The following KIR3DL1 variants were observed in gnomAD, a reference collection of about 807,000 sequenced individuals.
KIR3DL1 encodes the protein killer cell immunoglobulin like receptor, three Ig domains and long cytoplasmic tail 1.
A neutral mutation model predicts 40.3 loss-of-function variants in KIR3DL1; 50 were observed. That is an observed-to-expected ratio of 1.24 (90% confidence interval 0.99 to 1.57). The LOEUF is 1.57. Among genes scored for constraint, KIR3DL1 ranks in the 40% most tolerant of loss-of-function variants. The pLI, the probability that KIR3DL1 is intolerant of heterozygous loss-of-function variation, is 0.00. For missense variants in KIR3DL1, 661 were observed against 559.9 expected (o/e 1.18, Z -1.82); for synonymous variants, 257 against 207.2 (o/e 1.24, Z -2.07).
intron 6 of KIR3DL1, among the ~76,000 whole-genome samples, chr19:54,828,310 T>A (rs2062015764): frequency 6.6e-6 from 1 of 151,340 alleles, no homozygotes; most frequent in African/African-American, 2.5e-5. Context: ...TAAAGCACAT[T>A]CGCTGTGTAT....
rs561413972 is a variant in KIR3DL1 at position 54,821,138 on chromosome 19, TAGAC to T, written c.656-417_656-414del. 1.2e-3 allele frequency among the ~76,000 whole-genome samples: 186 copies of T among 150,232 alleles called. 7 individuals are homozygous for T. The highest frequency in any genetic ancestry group is 3.3e-3 in the East Asian group (17 of 5,136). Reference sequence around the variant, plus strand: ...AGATAATAGATGATTGATGGATAGATAGACAGACAGACAATTGATAGAGAGATAG... The same window carrying T: ...AGATAATAGATGATTGATGGATAGATAGACAGACAATTGATAGAGAGATAG... On this transcript the variant is annotated intron_variant, in intron 4 of 8. Coordinates refer to ENST00000391728, the Ensembl canonical transcript of KIR3DL1.
exon 4 of KIR3DL1, chr19:54,819,839 C>A: frequency 6.2e-7 from 1 of 1,611,972 alleles, no homozygotes; most frequent in East Asian, 2.2e-5. Flanking sequence ...GAGGGGATCT[C>A]TAAGGACCCC....
rs1331649148 is a variant in KIR3DL1 at position 54,820,483 on chromosome 19, G to T, written c.655+471G>T. 7.9e-5 allele frequency among the ~76,000 whole-genome samples: 12 copies of T among 151,470 alleles called. 1 individual carries two copies. The highest frequency in any genetic ancestry group is 2.9e-4 in the African/African-American group (12 of 41,012). On this transcript the variant is annotated intron_variant, in intron 4 of 8. Transcript: ENST00000391728. ...TTATTCTGACACCTCTGCCTTCCAT[G>T]CAATGGAGAGTAATCATCCCAGGAT...
intron 8 of KIR3DL1, 45 bp downstream of exon 8, chr19:54,830,025 A>G: frequency 6.6e-7 from 1 of 1,522,998 alleles, no homozygotes. Context: ...TTATTCCCAA[A>G]CAGTCCTGGA....
rs544227512 is a variant in KIR3DL1, at chr19:54,816,479, G to A, written c.-22G>A. The A allele has an allele frequency of 1.2e-5, 19 of 1,604,178 alleles. 1 individual carries two copies. The highest frequency in any genetic ancestry group is 1.7e-4 in the Middle Eastern group (1 of 5,994). On this transcript the variant is annotated 5_prime_UTR_variant, in exon 1 of 9. Coordinates refer to ENST00000391728, the Ensembl canonical transcript of KIR3DL1. Reference sequence around the variant, plus strand: ...TGCTGAGCTGAGCTGGGGCGCAGCCGCCTGTCTGCACCGGCAGCACCATGT... The same window carrying A: ...TGCTGAGCTGAGCTGGGGCGCAGCCACCTGTCTGCACCGGCAGCACCATGT...
At chr19:54,821,988 G>GGGCGCAGGAT (rs1461465671) in intron 5 of KIR3DL1, 130 bp downstream of exon 5, 1 of 1,171,724 alleles carries the variant, frequency 8.5e-7, no homozygotes, top group Non-Finnish European at 1.2e-6. Flanking sequence ...GGCGGAGTCA[G>GGGCGCAGGAT]GGCGCAGGAT....
At position 54,826,469 on chromosome 19, in the gene KIR3DL1, C is replaced by T. The variant is rs1338588528; in HGVS notation, c.1000+1391C>T. Among the ~76,000 whole-genome samples, 2 of 142,602 alleles carry T rather than the reference C, an allele frequency of 1.4e-5. 1 individual carries two copies. The highest frequency in any genetic ancestry group is 5.5e-5 in the African/African-American group (2 of 36,496). 93.6% of individuals were successfully genotyped at this position (142,602 alleles called of 152,430 possible). ...AGCTGGGATTACAGGCAACTGCCAC[C>T]ATGCCCGGCTAATTCTTTTTGTATA... On this transcript the variant is annotated intron_variant, in intron 6 of 8. Transcript: ENST00000391728.
chr19:54,826,681 C>G (rs1188351408), intron 6 of KIR3DL1, among the ~76,000 whole-genome samples: 6 of 149,960 alleles, frequency 4.0e-5, no homozygotes, highest in Admixed American at 3.3e-4. Flanking sequence ...GAGAAGGTCT[C>G]ACTAATCAGA....
chr19:54,824,903 T>C (rs370375186), intron 5 of KIR3DL1, 125 bp from the exon 6 acceptor site: 13,058 of 984,856 alleles, frequency 0.013, 254 homozygotes, highest in Middle Eastern at 0.065. Context: ...GAGAAGAGGA[T>C]CCCAAGACTC....
In KIR3DL1 at chr19:54,825,475, T is replaced by A. The variant is rs1418125954; in HGVS notation, c.1000+397T>A. Among the ~76,000 whole-genome samples, 129 of 143,340 alleles carry A rather than the reference T, an allele frequency of 9.0e-4. 1 individual carries two copies. Among genetic ancestry groups the A allele is most frequent in the African/African-American group, 2.8e-3 (103 of 36,918 alleles). The allele number at this position is 143,340 out of a possible 152,430, so 94.0% of individuals were successfully genotyped here. A position where few individuals can be genotyped will look rare whatever the true frequency, so the allele number is the denominator to read the frequency against. On this transcript the variant is annotated intron_variant, in intron 6 of 8. Transcript: ENST00000391728. ...CACTTGCCAAGGAATGAATTACTGT[T>A]GGTCATGAAGCAACCCTGGCTGACT... is the stretch of plus-strand genomic sequence containing the variant.
In KIR3DL1 at chr19:54,823,187, A is replaced by G; in HGVS notation, c.949+1329A>G. Among the ~76,000 whole-genome samples the G allele has an allele frequency of 1.3e-5, 2 of 150,916 alleles. 1 individual carries two copies. The highest frequency in any genetic ancestry group is 2.9e-5 in the Non-Finnish European group (2 of 67,920). ...GTAGCTGTGATTACAGGTGCACGCCACCATGCCTGGCTAATTTTTGTATTT... is the reference window on the plus strand; with the variant it reads ...GTAGCTGTGATTACAGGTGCACGCCGCCATGCCTGGCTAATTTTTGTATTT... On this transcript the variant is annotated intron_variant, in intron 5 of 8. Transcript: ENST00000391728.
At chr19:54,820,076 G>A in intron 4 of KIR3DL1, 64 bp downstream of exon 4, 1 of 1,533,520 alleles carries the variant, frequency 6.5e-7, no homozygotes, top group Non-Finnish European at 8.9e-7. Context: ...CCAGGACTTG[G>A]AACCCCCAGG....
At chr19:54,821,605 C>T in exon 5 of KIR3DL1, 9 of 1,608,552 alleles carry the variant, frequency 5.6e-6, no homozygotes, top group Non-Finnish European at 7.6e-6. Flanking sequence ...AGCCGGGCCC[C>T]AAGGTTCAGG....
At chr19:54,821,782 C>T in exon 5 of KIR3DL1, 1 of 1,607,394 alleles carries the variant, frequency 6.2e-7, no homozygotes, top group African/African-American at 1.3e-5. Context: ...GAGGGACCTA[C>T]AGATGCTTCG....
At position 54,828,104 on chromosome 19, in the gene KIR3DL1, A is replaced by C. The variant is rs546189937; in HGVS notation, c.1001-1257A>C. ...GGGGTGGTCCTTCCCCCAGCCTCTG[A>C]GGTAGAACAGCAGCCTAACATGTGT... On this transcript the variant is annotated intron_variant, in intron 6 of 8. Transcript: ENST00000391728. Among the ~76,000 whole-genome samples the C allele has an allele frequency of 2.7e-3, 404 of 148,224 alleles. 29 individuals carry two copies. The highest frequency in any genetic ancestry group is 9.6e-3 in the African/African-American group (376 of 39,324).
rs375012798 is a variant in KIR3DL1, at chr19:54,821,623, G to A, written c.714G>A (p.Glu238=). The A allele has an allele frequency of 3.7e-6, 6 of 1,609,038 alleles. No individual in the cohort carries two copies. The African/African-American group carries it at 5.4e-5, about 14-fold the overall frequency. ...CGGGCCCCAAGGTTCAGGCAGGAGA[G>A]AGCGTGACCTTGTCCTGTAGCTCCC... Residue 238 remains glutamate (E), a synonymous_variant, in exon 5 of 9, where the codon GAG becomes GAA. Coordinates refer to ENST00000391728, the Ensembl canonical transcript of KIR3DL1.
chr19:54,823,590 C>T (rs1410664018), intron 5 of KIR3DL1, among the ~76,000 whole-genome samples: 7 of 151,166 alleles, frequency 4.6e-5, no homozygotes, highest in Non-Finnish European at 8.8e-5. Flanking sequence ...CTCCGCCTCC[C>T]GCGTTCAACT....
chr19:54,821,993 C>T lies in KIR3DL1; in HGVS notation c.949+135C>T, dbSNP rs551880741. ...CAGGTGTGAGGGCGGAGTCAGGGCG[C>T]AGGATGGCAGACAGGGCACCTCCAA... On this transcript the variant is annotated intron_variant, in intron 5 of 8. Coordinates refer to ENST00000391728, the Ensembl canonical transcript of KIR3DL1. 3.7e-5 allele frequency: 41 copies of T among 1,095,398 alleles called. 4 individuals carry two copies. In the South Asian group the frequency reaches 5.5e-4, roughly 15 times the overall value. 67.9% of individuals were successfully genotyped at this position (1,095,398 alleles called of 1,614,324 possible). A position where few individuals can be genotyped will look rare whatever the true frequency, so the allele number is the denominator to read the frequency against.
At chr19:54,829,234 C>G in intron 6 of KIR3DL1, 127 bp from the exon 7 acceptor site, 2 of 786,216 alleles carry the variant, frequency 2.5e-6, no homozygotes, top group Admixed American at 2.1e-5. Context: ...AGCTAGATCT[C>G]CCGCCATCTG....
Sources: allele counts gnomAD v4.1 joint callset (sites outside exome capture counted in the v4.1 genomes callset), GRCh38; gene constraint gnomAD v4.1.1; transcripts MANE v1.5; gene names NCBI Gene and HGNC (gene_info 2026-07-23, HGNC 2026-07-21).